LRFN5: variants seen among roughly 807,000 people sequenced by gnomAD.
LRFN5 encodes leucine-rich repeat and fibronectin type-III domain-containing protein 5.
LRFN5 carries 24 observed loss-of-function variants against 45.6 expected under a neutral mutation model. The observed-to-expected ratio is 0.53, with a 90% confidence interval of 0.38 to 0.74. LRFN5 has a LOEUF of 0.74. Ranked by LOEUF, LRFN5 falls within the 30% of genes least tolerant of loss-of-function variation. LRFN5 has a pLI of 0.00. For synonymous variants in LRFN5, 340 were observed against 313.8 expected, an observed-to-expected ratio of 1.08 and a Z score of -0.88; for missense variants, 776 against 861.5, an observed-to-expected ratio of 0.90 and a Z score of 1.24.
chr14:41,835,258 G>A (rs1863436070), intron 2 of LRFN5, among the ~76,000 whole-genome samples: 1 of 152,098 alleles, frequency 6.6e-6, no homozygotes, highest in South Asian at 2.1e-4. Flanking sequence ...AACCAGATGG[G>A]ATGGTCATGA....
intron 1 of LRFN5, among the ~76,000 whole-genome samples, chr14:41,689,170 A>G (rs2138700974): frequency 6.6e-6 from 1 of 152,200 alleles, no homozygotes; most frequent in Non-Finnish European, 1.5e-5. Context: ...TCTCCAATCA[A>G]TAACTTAAAT....
intron 1 of LRFN5, among the ~76,000 whole-genome samples, chr14:41,696,690 T>C (rs1385960931): frequency 1.3e-5 from 2 of 151,950 alleles, no homozygotes; most frequent in East Asian, 3.9e-4. Context: ...CCACTAACAG[T>C]GTACAAGGAG....
chr14:41,826,994 A>G (rs1199386692), intron 2 of LRFN5, among the ~76,000 whole-genome samples: 1 of 150,602 alleles, frequency 6.6e-6, no homozygotes, highest in Non-Finnish European at 1.5e-5. Flanking sequence ...AGATCAAAAC[A>G]ATCCAACTTT....
chr14:41,632,529 G>T (rs1888578722), intron 1 of LRFN5, among the ~76,000 whole-genome samples: 1 of 152,122 alleles, frequency 6.6e-6, no homozygotes, highest in Non-Finnish European at 1.5e-5. Flanking sequence ...CTTGAACCCA[G>T]GAGGTGGAGG....
At chr14:41,809,641 T>C (rs1325436681) in intron 2 of LRFN5, among the ~76,000 whole-genome samples, 2 of 151,736 alleles carry the variant, frequency 1.3e-5, no homozygotes, top group Non-Finnish European at 2.9e-5. Context: ...TTGTCTAATA[T>C]TTTAAATATA....
intron 2 of LRFN5, among the ~76,000 whole-genome samples, chr14:41,852,640 G>A (rs1400784030): frequency 6.6e-6 from 1 of 151,578 alleles, no homozygotes; most frequent in Non-Finnish European, 1.5e-5. Flanking sequence ...TTTTTTGAAA[G>A]CCAGCATTTC....
intron 2 of LRFN5, among the ~76,000 whole-genome samples, chr14:41,826,048 G>C (rs111705173): frequency 2.6e-5 from 4 of 152,144 alleles, no homozygotes; most frequent in African/African-American, 9.7e-5. Context: ...AGTTCAAGTT[G>C]TGATGTTCAT....
At chr14:41,888,161 A>G in intron 3 of LRFN5, 151 bp downstream of exon 3, 1 of 610,268 alleles carries the variant, frequency 1.6e-6, no homozygotes, top group Non-Finnish European at 2.8e-6. Context: ...AAAGGTGGTA[A>G]TACAAGTGGG....
chr14:41,816,141 T>C (rs1887909490), intron 2 of LRFN5, among the ~76,000 whole-genome samples: 1 of 151,804 alleles, frequency 6.6e-6, no homozygotes, highest in Non-Finnish European at 1.5e-5. Flanking sequence ...CATGTTCCTA[T>C]TCTTCCTCCC....
chr14:41,751,595 G>T (rs759401699), intron 1 of LRFN5, among the ~76,000 whole-genome samples: 9 of 151,946 alleles, frequency 5.9e-5, no homozygotes, highest in Admixed American at 2.0e-4. Context: ...ATCTTTGGAA[G>T]TCTCTCCAAG....
At chr14:41,820,011 G>C (rs1237369499) in intron 2 of LRFN5, among the ~76,000 whole-genome samples, 1 of 151,106 alleles carries the variant, frequency 6.6e-6, no homozygotes, top group Admixed American at 6.6e-5. Context: ...TTAGATGCTG[G>C]AAATTAGTCC....
Position 41,887,880 on chromosome 14 carries a change from G to C in LRFN5, c.1255G>C (p.Asp419His), listed in dbSNP as rs1268016030. 17 of 1,614,060 alleles carry C rather than the reference G, an allele frequency of 1.1e-5. No homozygotes were observed. The Admixed American group carries it at 2.3e-4, about 22-fold the overall frequency. Residue 419 changes from aspartate to histidine, a missense_variant, in exon 3 of 6, where the codon GAT becomes CAT. Transcript: ENST00000298119. The surrounding 1 kb of genome is among the most constrained non-coding windows in gnomAD (Gnocchi z 4.8). ...SSNGDTKLSQ[D>H]KIVVAEATSS... ...TAATGGTGATACTAAATTGAGTCAA[G>C]ATAAAATTGTGGTGGCAGAAGCTAC...
intron 2 of LRFN5, among the ~76,000 whole-genome samples, chr14:41,785,708 G>C (rs888596813): frequency 3.3e-5 from 5 of 151,964 alleles, no homozygotes; most frequent in African/African-American, 1.2e-4. Context: ...AGAATCGGTG[G>C]GAGGCCCGAG....
At chr14:41,641,798 T>G (rs1184412263) in intron 1 of LRFN5, among the ~76,000 whole-genome samples, 2 of 152,110 alleles carry the variant, frequency 1.3e-5, no homozygotes, top group Non-Finnish European at 2.9e-5. Flanking sequence ...TATCAGAAAA[T>G]GAAGTTTTGA....
Position 41,866,175 on chromosome 14 carries a change from G to A in LRFN5, c.-20-20431G>A, listed in dbSNP as rs1348571094. Reference sequence around the variant, plus strand: ...TGTTTTTATCTAGAAGTTTTATGGGGTTAGATATTACATTTGGATCCATTA... The same window carrying A: ...TGTTTTTATCTAGAAGTTTTATGGGATTAGATATTACATTTGGATCCATTA... On this transcript the variant is annotated intron_variant, in intron 2 of 5. Transcript: ENST00000298119. Among the ~76,000 whole-genome samples the A allele has an allele frequency of 2.0e-5, 3 of 152,214 alleles. No individual in the cohort carries two copies. The East Asian group carries it at 5.8e-4, about 29-fold the overall frequency.
chr14:41,699,563 C>T (rs556554550), intron 1 of LRFN5: 3 of 152,046 alleles, frequency 2.0e-5, no homozygotes, highest in South Asian at 2.1e-4. Context: ...ATAGAACTTA[C>T]GAGCTTAGGA....
chr14:41,831,558 C>CTA (rs949032782), intron 2 of LRFN5, among the ~76,000 whole-genome samples: 5 of 152,072 alleles, frequency 3.3e-5, no homozygotes, highest in Non-Finnish European at 1.5e-5. Context: ...ACACATATCT[C>CTA]TATATATATG....
chr14:41,731,320 G>T (rs932813681), intron 1 of LRFN5: 1 of 151,100 alleles, frequency 6.6e-6, no homozygotes, highest in Admixed American at 6.6e-5. Context: ...TTTTAAATTT[G>T]TCACAAACTT....
At chr14:41,889,215 G>A (rs1431667896) in intron 3 of LRFN5, among the ~76,000 whole-genome samples, 2 of 151,256 alleles carry the variant, frequency 1.3e-5, no homozygotes, top group Non-Finnish European at 3.0e-5. Context: ...TTTCATTCCT[G>A]TATGGAAATG....
Sources: gnomAD v4.1 joint callset for allele counts (sites outside exome capture counted in the v4.1 genomes callset) on GRCh38, gnomAD v4.1.1 for gene constraint, Gnocchi (gnomAD v3.1) non-coding constraint, MANE v1.5 for transcripts, NCBI Gene and HGNC (gene_info 2026-07-23, HGNC 2026-07-21) for gene names.